ADAMTS18: variants seen among roughly 807,000 people sequenced by gnomAD.
ADAMTS18 encodes ADAM metallopeptidase with thrombospondin type 1 motif 18, also known as A disintegrin and metalloproteinase with thrombospondin motifs 18.
ADAMTS18 carries 157 observed loss-of-function variants against 165.9 expected under a neutral mutation model. The observed-to-expected ratio is 0.95, with a 90% CI of 0.83 to 1.08. The LOEUF is 1.08. Among genes scored for constraint, ADAMTS18 ranks in the 50% least tolerant of loss-of-function variants. ADAMTS18 has a pLI of 0.00. For synonymous variants in ADAMTS18, 782 were observed against 578.2 expected (o/e 1.35, Z -5.06); for missense variants, 2,040 against 1,534.0 (o/e 1.33, Z -5.51).
chr16:77,294,662 CT>C (rs1353606881), intron 19 of ADAMTS18, among the ~76,000 whole-genome samples: 2 of 152,310 alleles, frequency 1.3e-5, no homozygotes, highest in East Asian at 3.9e-4. Context: ...TCCTTTCTAG[CT>C]GTGCTCACGA....
intron 21 of ADAMTS18, chr16:77,290,872 A>T (rs1433303712): frequency 6.2e-6 from 2 of 322,636 alleles, no homozygotes; most frequent in South Asian, 3.0e-5. Flanking sequence ...TAGCTATTAC[A>T]TTGTTCAGAA....
At chr16:77,325,164 T>C (rs1166591015) in intron 13 of ADAMTS18, among the ~76,000 whole-genome samples, 1 of 152,186 alleles carries the variant, frequency 6.6e-6, no homozygotes, top group Non-Finnish European at 1.5e-5. Context: ...GATTCACATA[T>C]AACCCTGTTT....
chr16:77,314,662 T>C (rs1187383429), intron 16 of ADAMTS18, among the ~76,000 whole-genome samples: 3 of 141,354 alleles, frequency 2.1e-5, no homozygotes, highest in Non-Finnish European at 4.6e-5. Context: ...TATATATATA[T>C]GTACATATAT....
chr16:77,297,258 C>G, intron 18 of ADAMTS18, 31 bp downstream of exon 18: 1 of 1,613,882 alleles, frequency 6.2e-7, no homozygotes, highest in East Asian at 2.2e-5. Context: ...AAGTACAAAA[C>G]TAAACAAAAA....
At position 77,364,210 on chromosome 16, in the gene ADAMTS18, T is replaced by A; in HGVS notation, c.950A>T (p.Tyr317Phe). 2 of 1,614,132 alleles carry A rather than the reference T, an allele frequency of 1.2e-6. No individual in the cohort carries two copies. Among genetic ancestry groups the A allele is most frequent in the Non-Finnish European group, 1.7e-6 (2 of 1,180,020 alleles). The change falls in exon 5 of 23, where the codon TAC becomes TTC. Residue 317 changes from tyrosine (Y) to phenylalanine (F), a missense_variant. Tyr to Phe is a conservative substitution (Grantham distance 22, BLOSUM62 3). Coordinates refer to ENST00000282849, the MANE Select transcript of ADAMTS18 (RefSeq NM_199355.4). Reference sequence around the variant, plus strand: ...TACCATGTTCATTACTGTGAGAATGTATGTGGTGACATTTCCCTTGCCATG... The same window carrying A: ...TACCATGTTCATTACTGTGAGAATGAATGTGGTGACATTTCCCTTGCCATG... The part of the protein sequence containing the change: ...EKHGKGNVTT[Y>F]ILTVMNMVSG...
At chr16:77,370,174 C>T (rs1244176981) in intron 3 of ADAMTS18, among the ~76,000 whole-genome samples, 1 of 152,124 alleles carries the variant, frequency 6.6e-6, no homozygotes, top group Non-Finnish European at 1.5e-5. Context: ...AGATCCAGAA[C>T]AAGACAAAGA....
At chr16:77,416,970 T>C (rs771294791) in intron 3 of ADAMTS18, among the ~76,000 whole-genome samples, 10 of 152,194 alleles carry the variant, frequency 6.6e-5, no homozygotes, top group African/African-American at 1.2e-4. Context: ...GAGCATAAGA[T>C]TACTCGGTAT....
rs1450281604 is a variant in ADAMTS18 at position 77,362,115 on chromosome 16, A to G, written c.1206T>C (p.Cys402=). 1.5e-5 allele frequency: 25 copies of G among 1,613,972 alleles called. No individual in the cohort carries two copies. Among genetic ancestry groups the G allele is most frequent in the African/African-American group, 2.7e-5 (2 of 74,942 alleles). The part of the protein sequence containing the change: ...FDICSWKNEP[C]DTLGFAPISG... ...CTGTTCATACCATACCTAGAGTGTC[A>G]CATGGTTCATTCTTCCAAGAACAAA... Residue 402 remains cysteine, a synonymous_variant, in exon 7 of 23, where the codon TGT becomes TGC. Coordinates refer to ENST00000282849, the MANE Select transcript of ADAMTS18 (RefSeq NM_199355.4).
chr16:77,370,989 T>A (rs1326120772), intron 3 of ADAMTS18, among the ~76,000 whole-genome samples: 2 of 152,200 alleles, frequency 1.3e-5, no homozygotes, highest in South Asian at 2.1e-4. Context: ...GACTTATGCC[T>A]ATAATCCCAG....
At chr16:77,300,827 A>G (rs183862667) in intron 16 of ADAMTS18, among the ~76,000 whole-genome samples, 1 of 152,248 alleles carries the variant, frequency 6.6e-6, no homozygotes, top group Admixed American at 6.5e-5. Flanking sequence ...CTGAATCTAC[A>G]TATATATATT....
Position 77,367,580 on chromosome 16 carries a change from C to T in ADAMTS18, c.639G>A (p.Arg213=), listed in dbSNP as rs982642088. ...GGCCAGAGCCGGGGTAGCCACGGTACCGCTGGATCTTCTCCTCTGCTGTCC... is the reference window on the plus strand; with the variant it reads ...GGCCAGAGCCGGGGTAGCCACGGTATCGCTGGATCTTCTCCTCTGCTGTCC... ...YKRTAEEKIQ[R]YRGYPGSGRN... The change falls in exon 4 of 23, where the codon CGG becomes CGA. Residue 213 remains arginine (R), a synonymous_variant. Transcript: ENST00000282849. 3.7e-6 allele frequency: 6 copies of T among 1,614,094 alleles called. No individual in the cohort carries two copies. The highest frequency in any genetic ancestry group is 1.7e-5 in the Admixed American group (1 of 60,000).
At chr16:77,376,459 T>C (rs1017470635) in intron 3 of ADAMTS18, among the ~76,000 whole-genome samples, 7 of 152,140 alleles carry the variant, frequency 4.6e-5, no homozygotes, top group African/African-American at 1.7e-4. Context: ...CAAAGGTTGA[T>C]GGTGGTGGAA....
intron 3 of ADAMTS18, among the ~76,000 whole-genome samples, chr16:77,380,805 G>C (rs1205435336): frequency 2.0e-5 from 3 of 151,996 alleles, no homozygotes; most frequent in Non-Finnish European, 2.9e-5. Flanking sequence ...ACCGCACATA[G>C]CATTTTATCT....
At chr16:77,346,435 A>G (rs7185277) in intron 10 of ADAMTS18, among the ~76,000 whole-genome samples, 59,158 of 151,908 alleles carry the variant, frequency 0.39, 12,133 homozygotes, top group East Asian at 0.61. Context: ...CATTTGTAAT[A>G]AAGACTCTGG....
chr16:77,318,940 A>G (rs2055936324), intron 16 of ADAMTS18, among the ~76,000 whole-genome samples: 1 of 152,158 alleles, frequency 6.6e-6, no homozygotes, highest in African/African-American at 2.4e-5. Context: ...AGTCAGCCCC[A>G]TTTTACAAAT....
intron 3 of ADAMTS18, among the ~76,000 whole-genome samples, chr16:77,378,176 G>T (rs975251411): frequency 6.6e-6 from 1 of 150,562 alleles, no homozygotes; most frequent in African/African-American, 2.5e-5. Context: ...TAAAATGTTA[G>T]CCAGGTGTGT....
chr16:77,303,554 T>C (rs2055625695), intron 16 of ADAMTS18, among the ~76,000 whole-genome samples: 1 of 152,102 alleles, frequency 6.6e-6, no homozygotes, highest in South Asian at 2.1e-4. Flanking sequence ...CTCTCATATC[T>C]TACCACCTCA....
intron 16 of ADAMTS18, among the ~76,000 whole-genome samples, chr16:77,306,007 G>A (rs1018860364): frequency 3.9e-5 from 6 of 152,140 alleles, no homozygotes; most frequent in South Asian, 2.1e-4. Flanking sequence ...CAGGAGCACC[G>A]CATCCCTCCC....
intron 11 of ADAMTS18, among the ~76,000 whole-genome samples, chr16:77,340,219 G>A (rs915139952): frequency 6.6e-6 from 1 of 152,120 alleles, no homozygotes; most frequent in African/African-American, 2.4e-5. Context: ...CTGTCACCCA[G>A]GCTGGAATTC....
Sources: allele counts gnomAD v4.1 joint callset (sites outside exome capture counted in the v4.1 genomes callset), GRCh38; gene constraint gnomAD v4.1.1; transcripts MANE v1.5; gene names NCBI Gene and HGNC (gene_info 2026-07-23, HGNC 2026-07-21).